OSBP2: variants seen among roughly 807,000 people sequenced by gnomAD.
The protein encoded by OSBP2 is oxysterol-binding protein 2.
OSBP2 carries 66 observed loss-of-function variants against 96.0 expected under a neutral mutation model. That is an observed-to-expected ratio of 0.69 (90% CI 0.56 to 0.84). The LOEUF (loss-of-function observed/expected upper bound fraction) is 0.84, where lower values mean the gene tolerates loss of function less well. OSBP2 is among the 40% of genes least tolerant of loss of function. The probability of loss-of-function intolerance (pLI) is 0.00; values close to 1 mark genes in which losing one functional copy is unlikely to be tolerated. For synonymous variants in OSBP2, 525 were observed against 520.9 expected, an observed-to-expected ratio of 1.01 and a Z score of -0.11; for missense variants, 1,038 against 1,222.7, an observed-to-expected ratio of 0.85 and a Z score of 2.25.
Position 30,890,831 on chromosome 22 carries a change from A to G in OSBP2, c.1727A>G (p.Gln576Arg). The G allele has an allele frequency of 6.2e-7, 1 of 1,613,798 alleles. No homozygotes were observed. Among genetic ancestry groups the G allele is most frequent in the Non-Finnish European group, 8.5e-7 (1 of 1,180,022 alleles). The change falls in exon 8 of 14, where the codon CAG (glutamine) becomes CGG (arginine). Residue 576 changes from glutamine (Q) to arginine (R), a missense_variant. Physicochemically the swap from Gln to Arg is conservative, Grantham distance 43. Around this residue, in one of 3 missense-constraint regions of OSBP2, gnomAD observed 737 missense variants for 913.3 expected, o/e 0.81. Coordinates refer to ENST00000332585, the MANE Select transcript of OSBP2 (RefSeq NM_030758.4). The surrounding 1 kb of genome is among the most constrained non-coding windows in gnomAD (Gnocchi z 4.4). ...KAVHCTSSVE[Q>R]MCLVAAFSVS... ...GTGCACTGCACCAGCTCAGTGGAGC[A>G]GATGTGCCTGGTGGCCGCCTTCTCT...
chr22:30,856,373 C>CTTTTTTTTTTTTTTTTTTTT (rs56875088), intron 2 of OSBP2, among the ~76,000 whole-genome samples: 1 of 101,430 alleles, frequency 9.9e-6, no homozygotes, highest in African/African-American at 3.6e-5. Flanking sequence ...CAGAGCCCTT[C>CTTTTTTTTTTTTTTTTTTTT]TTTTTTTTTT....
At chr22:30,727,214 C>T (rs1411518366) in intron 1 of OSBP2, among the ~76,000 whole-genome samples, 1 of 152,160 alleles carries the variant, frequency 6.6e-6, no homozygotes, top group Non-Finnish European at 1.5e-5. Flanking sequence ...AGCTGAGCTT[C>T]CTTCCTTCCG....
Position 30,893,808 on chromosome 22 carries a change from T to C in OSBP2, c.2191-9T>C, listed in dbSNP as rs753409821. The C allele has an allele frequency of 6.3e-7, 1 of 1,599,444 alleles. No individual in the cohort carries two copies. The highest frequency in any genetic ancestry group is 1.8e-5 in the Admixed American group (1 of 56,682). On this transcript the variant is annotated splice_polypyrimidine_tract_variant and intron_variant, in intron 11 of 13. Transcript: ENST00000332585. ...TCTGCACCTACGCTGGTCCTGCCAA[T>C]GTCCACAGGTGACAGGAGTGGTGAG...
chr22:30,833,400 G>T (rs2038570477), intron 2 of OSBP2, among the ~76,000 whole-genome samples: 1 of 152,172 alleles, frequency 6.6e-6, no homozygotes, highest in Non-Finnish European at 1.5e-5. Context: ...TAATTCTGTT[G>T]CAGAGATAAC....
In OSBP2 at chr22:30,893,477, GA is replaced by G; in HGVS notation, c.2007del (p.Glu669AspfsTer37). On this transcript the variant is annotated frameshift_variant, in exon 10 of 14. Transcript: ENST00000332585. LOFTEE classifies it high-confidence loss of function. ...CCTGCCTCCAGGTGCCATCCACTTA[GA>G]ATTCCAGGCCAGTGGGAATCACTAC... ...SIMPLGAIHL[E>X]FQASGNHYVW... 6.2e-7 allele frequency: 1 copy of G among 1,614,062 alleles called. No homozygotes were observed. Among genetic ancestry groups the G allele is most frequent in the Non-Finnish European group, 8.5e-7 (1 of 1,179,916 alleles).
intron 3 of OSBP2, among the ~76,000 whole-genome samples, chr22:30,883,552 C>G (rs1267993250): frequency 6.6e-6 from 1 of 152,216 alleles, no homozygotes; most frequent in Non-Finnish European, 1.5e-5. Context: ...CTGGGCCAAG[C>G]TTAGGGCAAT....
At chr22:30,801,021 A>G (rs1043590499) in intron 2 of OSBP2, among the ~76,000 whole-genome samples, 2 of 152,204 alleles carry the variant, frequency 1.3e-5, no homozygotes, top group African/African-American at 4.8e-5. Context: ...TGTTTTATAA[A>G]TTAGACTATT....
rs138823207 is a variant in OSBP2 at position 30,717,889 on chromosome 22, C to T, written c.644+22336C>T. Among the ~76,000 whole-genome samples the T allele has an allele frequency of 1.7e-3, 265 of 152,270 alleles. 1 individual carries two copies. Among genetic ancestry groups the T allele is most frequent in the African/African-American group, 5.8e-3 (239 of 41,542 alleles). ...GGCGAGGGTGGGCGGGAGTTAGAAT[C>T]GAGTCCTCAGCTCACCTGTCCTCCT... On this transcript the variant is annotated intron_variant, in intron 1 of 13. Coordinates refer to ENST00000332585, the MANE Select transcript of OSBP2 (RefSeq NM_030758.4).
chr22:30,731,850 G>C (rs1427429118), intron 1 of OSBP2, among the ~76,000 whole-genome samples: 1 of 152,146 alleles, frequency 6.6e-6, no homozygotes, highest in African/African-American at 2.4e-5. Flanking sequence ...GCCGGTCCTG[G>C]TGTGCTCATT....
Position 30,893,626 on chromosome 22 carries a change from C to G in OSBP2, c.2095-12C>G. ...CGGGGGCTGGCCGCTGACCACTGCC[C>G]TCCTTCGCCAGTCAGGGGACATCGA... On this transcript the variant is annotated splice_polypyrimidine_tract_variant and intron_variant, in intron 10 of 13. Transcript: ENST00000332585. The G allele has an allele frequency of 5.0e-6, 8 of 1,613,974 alleles. No individual in the cohort carries two copies. Among genetic ancestry groups the G allele is most frequent in the Non-Finnish European group, 6.8e-6 (8 of 1,179,806 alleles).
chr22:30,846,581 G>GT lies in OSBP2; in HGVS notation c.854-23838dup, dbSNP rs1039903035. 2.0e-3 allele frequency among the ~76,000 whole-genome samples: 298 copies of GT among 148,300 alleles called. 3 individuals are homozygous for GT. The highest frequency in any genetic ancestry group is 0.011 in the Admixed American group (169 of 14,840). The stretch of plus-strand genomic sequence containing the variant: ...GGGAAATGCTAGTATCTCACTGTGG[G>GT]TTTTTTTTTTAATCCCCTTCCCTCC... On this transcript the variant is annotated intron_variant, in intron 2 of 13. Coordinates refer to ENST00000332585, the MANE Select transcript of OSBP2 (RefSeq NM_030758.4).
At chr22:30,811,622 G>A (rs136247) in intron 2 of OSBP2, among the ~76,000 whole-genome samples, 6 of 151,168 alleles carry the variant, frequency 4.0e-5, no homozygotes, top group Non-Finnish European at 7.4e-5. Flanking sequence ...TGACACAATC[G>A]CAGCTCACTG....
intron 2 of OSBP2, among the ~76,000 whole-genome samples, chr22:30,758,100 C>T (rs1168199396): frequency 6.6e-6 from 1 of 152,102 alleles, no homozygotes; most frequent in Non-Finnish European, 1.5e-5. Flanking sequence ...TTTCACTCTG[C>T]AGCTATGAAA....
chr22:30,788,722 T>C (rs2145821561), intron 2 of OSBP2, among the ~76,000 whole-genome samples: 1 of 152,288 alleles, frequency 6.6e-6, no homozygotes, highest in South Asian at 2.1e-4. Context: ...TATTTATTTA[T>C]TTATTTTTGA....
intron 2 of OSBP2, among the ~76,000 whole-genome samples, chr22:30,781,418 T>G (rs2090517946): frequency 6.6e-6 from 1 of 152,032 alleles, no homozygotes; most frequent in Admixed American, 6.5e-5. Context: ...ATTCCTGACT[T>G]TAGTTAATGC....
intron 1 of OSBP2, among the ~76,000 whole-genome samples, chr22:30,710,275 C>T (rs918165963): frequency 6.6e-6 from 1 of 152,204 alleles, no homozygotes; most frequent in African/African-American, 2.4e-5. Context: ...AGAGCAGAAT[C>T]AGTGCTTGAC....
At chr22:30,791,052 C>T (rs1450086866) in intron 2 of OSBP2, among the ~76,000 whole-genome samples, 6 of 151,796 alleles carry the variant, frequency 4.0e-5, no homozygotes, top group African/African-American at 7.3e-5. Flanking sequence ...GGTGTGATCT[C>T]GGCTCACGGC....
chr22:30,786,070 C>A (rs1446289628), intron 2 of OSBP2, among the ~76,000 whole-genome samples: 1 of 151,868 alleles, frequency 6.6e-6, no homozygotes, highest in East Asian at 1.9e-4. Flanking sequence ...GTTACCCAGG[C>A]TGGAGTGCAA....
chr22:30,710,553 C>T (rs575043702), intron 1 of OSBP2, among the ~76,000 whole-genome samples: 1 of 151,878 alleles, frequency 6.6e-6, no homozygotes, highest in South Asian at 2.1e-4. Context: ...TAATAGCTTC[C>T]TTGCTGTCTG....
Sources: allele counts gnomAD v4.1 joint callset (sites outside exome capture counted in the v4.1 genomes callset), GRCh38; gene constraint gnomAD v4.1.1; regional missense constraint gnomAD v4.1.1; non-coding constraint Gnocchi (gnomAD v3.1); transcripts MANE v1.5; gene names NCBI Gene and HGNC (gene_info 2026-07-23, HGNC 2026-07-21).